FOXP1: variants seen among roughly 807,000 people sequenced by gnomAD.
The protein encoded by FOXP1 is forkhead box protein P1.
Under a neutral mutation model 98.2 loss-of-function variants are expected in FOXP1, and 15 were observed. The observed-to-expected ratio is 0.15, with a 90% CI of 0.10 to 0.24. The LOEUF (loss-of-function observed/expected upper bound fraction) is 0.24. FOXP1 is among the 10% of genes least tolerant of loss of function. The probability of loss-of-function intolerance (pLI) is 1.00; values close to 1 mark genes in which losing one functional copy is unlikely to be tolerated. For synonymous variants in FOXP1, 371 were observed against 314.5 expected (o/e 1.18, Z -1.90); for missense variants, 633 against 848.5 (o/e 0.75, Z 3.15).
intron 2 of FOXP1, among the ~76,000 whole-genome samples, chr3:71,514,661 ACCT>A (rs1351194266): frequency 6.6e-6 from 1 of 152,112 alleles, no homozygotes; most frequent in East Asian, 1.9e-4. Context: ...TGTTCTCTTC[ACCT>A]CCTTTTTTCT....
At chr3:71,216,493 A>AG (rs2064941897) in intron 5 of FOXP1, among the ~76,000 whole-genome samples, 1 of 152,184 alleles carries the variant, frequency 6.6e-6, no homozygotes, top group African/African-American at 2.4e-5. Flanking sequence ...AACGTGCTTC[A>AG]GGTAAGCCCT....
chr3:71,470,111 A>T (rs2089186857), intron 3 of FOXP1, among the ~76,000 whole-genome samples: 1 of 151,986 alleles, frequency 6.6e-6, no homozygotes, highest in South Asian at 2.1e-4. Flanking sequence ...ATAAAAAAGG[A>T]ATTTTGAGTC....
intron 4 of FOXP1, among the ~76,000 whole-genome samples, chr3:71,323,022 G>A (rs2107677346): frequency 6.6e-6 from 1 of 151,066 alleles, no homozygotes; most frequent in African/African-American, 2.4e-5. Flanking sequence ...CCTGGCTGGA[G>A]TGCAGTGGCG....
At chr3:70,993,172 A>C (rs1052748329) in intron 13 of FOXP1, among the ~76,000 whole-genome samples, 3 of 152,214 alleles carry the variant, frequency 2.0e-5, no homozygotes, top group Non-Finnish European at 2.9e-5. Context: ...TCTGCTACTG[A>C]AACTTGTGCA....
At chr3:71,127,186 G>A (rs1050813065) in intron 6 of FOXP1, among the ~76,000 whole-genome samples, 1 of 152,134 alleles carries the variant, frequency 6.6e-6, no homozygotes, top group Non-Finnish European at 1.5e-5. Context: ...AACCCAGGAA[G>A]GAGGCCCACG....
rs199633590 is a variant in FOXP1 at position 71,198,292 on chromosome 3, G to A, written c.90C>T (p.Gly30=). The A allele has an allele frequency of 2.7e-5, 43 of 1,613,964 alleles. No homozygotes were observed. The Middle Eastern group carries it at 4.9e-4, about 19-fold the overall frequency. The change falls in exon 6 of 21, where the codon GGC becomes GGT. Residue 30 remains glycine, a synonymous_variant. Coordinates refer to ENST00000649528, the MANE Select transcript of FOXP1 (RefSeq NM_001349338.3). The part of the protein sequence containing the change: ...SGGSNHLLEC[G]GLREGRSNGE... Reference sequence around the variant, plus strand: ...CGTTGGACCGCCCCTCCCGAAGACCGCCGCACTCTAGTAAGTGGTTGCTGC... The same window carrying A: ...CGTTGGACCGCCCCTCCCGAAGACCACCGCACTCTAGTAAGTGGTTGCTGC...
intron 2 of FOXP1, among the ~76,000 whole-genome samples, chr3:71,552,747 T>C (rs552508860): frequency 6.6e-6 from 1 of 152,172 alleles, no homozygotes; most frequent in East Asian, 1.9e-4. Flanking sequence ...CAGCAAGTAT[T>C]TGCGTAGTTA....
At chr3:71,245,987 G>T (rs2067707348) in intron 5 of FOXP1, among the ~76,000 whole-genome samples, 1 of 127,346 alleles carries the variant, frequency 7.9e-6, no homozygotes, top group Non-Finnish European at 1.6e-5. Context: ...TGATCACTTA[G>T]TACGAAAACC....
At chr3:71,076,779 T>C (rs1475353734) in intron 7 of FOXP1, among the ~76,000 whole-genome samples, 1 of 152,238 alleles carries the variant, frequency 6.6e-6, no homozygotes, top group African/African-American at 2.4e-5. Flanking sequence ...TGGCCATGAT[T>C]AACATGATCT....
At position 71,198,223 on chromosome 3, in the gene FOXP1, G is replaced by A. The variant is rs777378675; in HGVS notation, c.159C>T (p.His53=). 5.6e-6 allele frequency: 9 copies of A among 1,613,972 alleles called. No individual in the cohort carries two copies. Among genetic ancestry groups the A allele is most frequent in the East Asian group, 4.5e-5 (2 of 44,900 alleles). ...AVDIGAADLA[H]AQQQQQQALQ... ...GTACCTGTTGCTGCTGCTGCTGGGC[G>A]TGGGCGAGGTCAGCTGCCCCGATGT... is the stretch of plus-strand genomic sequence containing the variant. Residue 53 remains histidine (H), a synonymous_variant, in exon 6 of 21, where the codon CAC becomes CAT. Transcript: ENST00000649528.
At chr3:71,261,176 G>A (rs2069106381) in intron 5 of FOXP1, among the ~76,000 whole-genome samples, 2 of 152,144 alleles carry the variant, frequency 1.3e-5, no homozygotes, top group Middle Eastern at 3.4e-3. Flanking sequence ...CAGGCCTCTC[G>A]CAAAGCTGTC....
chr3:71,556,434 G>A (rs1374912362), intron 2 of FOXP1, among the ~76,000 whole-genome samples: 6 of 151,946 alleles, frequency 3.9e-5, no homozygotes, highest in South Asian at 2.1e-4. Context: ...AAAATTAGCC[G>A]GGCGTGGTGG....
At chr3:71,262,258 C>CT (rs2069218652) in intron 5 of FOXP1, among the ~76,000 whole-genome samples, 1 of 71,278 alleles carries the variant, frequency 1.4e-5, no homozygotes, top group South Asian at 5.7e-4. Context: ...GGACAAGACT[C>CT]TGTCACAAAA....
chr3:71,014,074 C>CCG (rs1380340251), intron 12 of FOXP1, among the ~76,000 whole-genome samples: 1 of 152,132 alleles, frequency 6.6e-6, no homozygotes, highest in African/African-American at 2.4e-5. Context: ...TAGGCAATAC[C>CCG]ATTCAGGGCA....
chr3:71,088,533 G>A (rs1008521302), intron 7 of FOXP1, among the ~76,000 whole-genome samples: 1 of 151,780 alleles, frequency 6.6e-6, no homozygotes, highest in African/African-American at 2.4e-5. Context: ...TTTGTCAGAT[G>A]TTTGTTGAAC....
intron 3 of FOXP1, among the ~76,000 whole-genome samples, chr3:71,373,332 A>C (rs981362082): frequency 3.9e-5 from 6 of 152,208 alleles, no homozygotes. Context: ...TACAAAAAAA[A>C]AACATGTTAA....
chr3:71,173,496 T>C (rs921913999), intron 6 of FOXP1, among the ~76,000 whole-genome samples: 1 of 151,918 alleles, frequency 6.6e-6, no homozygotes, highest in Non-Finnish European at 1.5e-5. Flanking sequence ...ATGCAACATA[T>C]TAGCTGTCAT....
At chr3:70,972,498 T>A in intron 18 of FOXP1, 57 bp downstream of exon 18, 1 of 1,611,812 alleles carries the variant, frequency 6.2e-7, no homozygotes, top group Admixed American at 1.7e-5. Flanking sequence ...AGCCTCTACG[T>A]TATACTTGTT....
chr3:70,971,844 T>A, intron 18 of FOXP1: 1 of 456,282 alleles, frequency 2.2e-6, no homozygotes, highest in Non-Finnish European at 3.7e-6. Flanking sequence ...GCACTGGTGT[T>A]CCAAAGAGAA....
Sources: gnomAD v4.1 joint callset for allele counts (sites outside exome capture counted in the v4.1 genomes callset) on GRCh38, gnomAD v4.1.1 for gene constraint, MANE v1.5 for transcripts, NCBI Gene and HGNC (gene_info 2026-07-23, HGNC 2026-07-21) for gene names.